The following PRG4 variants were observed in gnomAD, a reference collection of about 807,000 sequenced individuals.
PRG4 encodes the protein proteoglycan 4.
A neutral mutation model predicts 91.2 loss-of-function variants in PRG4; 61 were observed. That is an observed-to-expected ratio of 0.67 (90% CI 0.54 to 0.83). The LOEUF is 0.83. Ranked by LOEUF, PRG4 falls within the 40% of genes least tolerant of loss-of-function variation. PRG4 has a pLI of 0.00. For missense variants in PRG4, 1,564 were observed against 1,714.2 expected (o/e 0.91, Z 1.55); for synonymous variants, 576 against 614.2 (o/e 0.94, Z 0.92).
In PRG4 at chr1:186,312,172, C is replaced by T. The variant is rs749269200; in HGVS notation, c.3794-3C>T. 3 of 1,612,662 alleles carry T rather than the reference C, an allele frequency of 1.9e-6. No homozygotes were observed. The highest frequency in any genetic ancestry group is 1.3e-5 in the African/African-American group (1 of 74,930). On this transcript the variant is annotated splice_region_variant and splice_polypyrimidine_tract_variant and intron_variant, in intron 10 of 12. Transcript: ENST00000445192. The stretch of plus-strand genomic sequence containing the variant: ...TTCCATGTGATATTCTAATACATAA[C>T]AGGTGGCAGCATTCAGCAGTATATT...
intron 3 of PRG4, 56 bp downstream of exon 3, chr1:186,300,269 C>A: frequency 1.2e-6 from 2 of 1,609,888 alleles, no homozygotes; most frequent in East Asian, 2.2e-5. Flanking sequence ...GTCTGTGAGT[C>A]CCCCCTTGCA....
Position 186,313,732 on chromosome 1 carries a change from C to G in PRG4, c.4169C>G (p.Thr1390Ser). 1.9e-6 allele frequency: 3 copies of G among 1,610,448 alleles called. No homozygotes were observed. The highest frequency in any genetic ancestry group is 2.5e-6 in the Non-Finnish European group (3 of 1,176,834). The part of the protein sequence containing the change: ...VPSRTARAIT[T>S]RSGQTLSKVW... ...AGTAGAACAGCAAGAGCAATTACTA[C>G]TCGTTCTGGGCAGACCTTATCCAAA... The change falls in exon 13 of 13, where the codon ACT (threonine) becomes AGT (serine). Residue 1390 changes from threonine to serine, a missense_variant. Physicochemically the swap from Thr to Ser is moderately conservative, Grantham distance 58. Coordinates refer to ENST00000445192, the MANE Select transcript of PRG4 (RefSeq NM_005807.6).
In PRG4 at chr1:186,314,531, A is replaced by G. The variant is rs1157758328; in HGVS notation, c.*753A>G. The G allele has an allele frequency of 1.1e-6, 1 of 896,658 alleles. No individual in the cohort carries two copies. Among genetic ancestry groups the G allele is most frequent in the East Asian group, 2.7e-5 (1 of 36,544 alleles). The allele number at this position is 896,658 out of a possible 1,614,324, so 55.5% of individuals were successfully genotyped here. A position where few individuals can be genotyped will look rare whatever the true frequency, so the allele number is the denominator to read the frequency against. On this transcript the variant is annotated 3_prime_UTR_variant, in exon 13 of 13. Coordinates refer to ENST00000445192, the MANE Select transcript of PRG4 (RefSeq NM_005807.6). ...TAATTATTTAATAAAACTTTGGAAC[A>G]TTAAAAAAATAAATTGGAGGCTTAA...
chr1:186,300,269 C>T (rs1656117167), intron 3 of PRG4, 56 bp downstream of exon 3: 1 of 1,609,888 alleles, frequency 6.2e-7, no homozygotes, highest in Non-Finnish European at 8.5e-7. Flanking sequence ...GTCTGTGAGT[C>T]CCCCCTTGCA....
chr1:186,301,545 T>A, intron 3 of PRG4, 47 bp from the exon 4 acceptor site: 1 of 1,612,282 alleles, frequency 6.2e-7, no homozygotes, highest in Non-Finnish European at 8.5e-7. Context: ...TACGTGGGCC[T>A]GGCTTCACAA....
chr1:186,296,721 T>C (rs1052967739), intron 1 of PRG4, 125 bp from the exon 2 acceptor site: 2 of 643,074 alleles, frequency 3.1e-6, no homozygotes, highest in African/African-American at 3.7e-5. Context: ...TTTAAAGTCT[T>C]GTTTCAAGAA....
chr1:186,310,131 T>G (rs534340078), intron 8 of PRG4, among the ~76,000 whole-genome samples: 116 of 89,182 alleles, frequency 1.3e-3, no homozygotes, highest in African/African-American at 5.3e-3. Context: ...TAGTTCATTT[T>G]TTTTGGGGGG....
intron 7 of PRG4, among the ~76,000 whole-genome samples, chr1:186,309,393 A>C (rs2102030832): frequency 6.6e-6 from 1 of 152,306 alleles, no homozygotes; most frequent in Non-Finnish European, 1.5e-5. Context: ...ATAGAAAGTC[A>C]AAAAAATTTA....
intron 4 of PRG4, among the ~76,000 whole-genome samples, chr1:186,302,394 G>GA (rs1451471482): frequency 6.6e-6 from 1 of 152,124 alleles, no homozygotes; most frequent in Non-Finnish European, 1.5e-5. Flanking sequence ...AGATTTTACA[G>GA]AAAAAGATTT....
rs778848368 is a variant in PRG4 at position 186,304,843 on chromosome 1, CTCTTCT to C, written c.525_530del (p.Ser176_Ser177del). On this transcript the variant is annotated inframe_deletion, in exon 6 of 13. Transcript: ENST00000445192. ...AGTCCTCCTCCTCCTCCTCCTCTTCCTCTTCTTCTTCAACAATTCGGAAAATCAAGT... is the reference window on the plus strand; with the variant it reads ...AGTCCTCCTCCTCCTCCTCCTCTTCCTCTTCAACAATTCGGAAAATCAAGT... The C allele has an allele frequency of 5.7e-5, 92 of 1,612,156 alleles. No individual in the cohort carries two copies. Among genetic ancestry groups the C allele is most frequent in the Non-Finnish European group, 7.4e-5 (87 of 1,178,520 alleles).
chr1:186,300,760 C>T (rs1442638283), intron 3 of PRG4, among the ~76,000 whole-genome samples: 1 of 152,098 alleles, frequency 6.6e-6, no homozygotes, highest in Non-Finnish European at 1.5e-5. Context: ...ATCTGAAGGT[C>T]TGAATTTTAA....
chr1:186,301,757 T>A, intron 4 of PRG4, 46 bp downstream of exon 4: 1 of 1,598,058 alleles, frequency 6.3e-7, no homozygotes, highest in Non-Finnish European at 8.6e-7. Context: ...CAGCCAGATC[T>A]GTGCACCTAC....
chr1:186,312,428 T>G, intron 11 of PRG4, 56 bp downstream of exon 11: 2 of 1,466,138 alleles, frequency 1.4e-6, no homozygotes, highest in Non-Finnish European at 1.9e-6. Flanking sequence ...GTAATACAGT[T>G]TCTTATACAG....
Position 186,296,881 on chromosome 1 carries a change from A to C in PRG4, c.6A>C (p.Ala2=), listed in dbSNP as rs751122318. The change falls in exon 2 of 13, where the codon GCA becomes GCC. Residue 2 remains alanine (A), a synonymous_variant. Transcript: ENST00000445192. M[A]WKTLPIYLLL... ...TACGGTACCTGAAAACAACGATGGCATGGAAAACACTTCCCATTTACCTGT... is the reference window on the plus strand; with the variant it reads ...TACGGTACCTGAAAACAACGATGGCCTGGAAAACACTTCCCATTTACCTGT... 3 of 1,613,894 alleles carry C rather than the reference A, an allele frequency of 1.9e-6. No homozygotes were observed.
intron 4 of PRG4, among the ~76,000 whole-genome samples, chr1:186,302,001 C>T (rs1656254307): frequency 6.6e-6 from 1 of 151,994 alleles, no homozygotes; most frequent in South Asian, 2.1e-4. Context: ...AGATATGGTT[C>T]AATTTCAGGT....
chr1:186,313,959 T>C lies in PRG4; in HGVS notation c.*181T>C. ...ATAATCTTATTCACAGTTGTTATTGTTTACAGACCATTTAATTAATATTTC... is the reference window on the plus strand; with the variant it reads ...ATAATCTTATTCACAGTTGTTATTGCTTACAGACCATTTAATTAATATTTC... On this transcript the variant is annotated 3_prime_UTR_variant, in exon 13 of 13. Coordinates refer to ENST00000445192, the MANE Select transcript of PRG4 (RefSeq NM_005807.6). The C allele has an allele frequency of 1.2e-6, 2 of 1,611,180 alleles. No individual in the cohort carries two copies. The highest frequency in any genetic ancestry group is 1.7e-4 in the Middle Eastern group (1 of 6,048).
rs199893468 is a variant in PRG4 at position 186,308,868 on chromosome 1, C to G, written c.3149C>G (p.Pro1050Arg). The change falls in exon 7 of 13, where the codon CCA becomes CGA. Residue 1050 changes from proline (P) to arginine (R), a missense_variant. Transcript: ENST00000445192. ...MPRVRKPKTTPTPRKMTSTMP... is the reference protein window; with the variant it reads ...MPRVRKPKTTRTPRKMTSTMP... ...AGAGTGAGAAAACCAAAGACGACAC[C>G]AACTCCCCGCAAGATGACATCAACA... 3 of 1,613,684 alleles carry G rather than the reference C, an allele frequency of 1.9e-6. No homozygotes were observed. Among genetic ancestry groups the G allele is most frequent in the African/African-American group, 2.7e-5 (2 of 74,960 alleles).
At position 186,304,812 on chromosome 1, in the gene PRG4, A is replaced by C. The variant is rs911832684; in HGVS notation, c.488A>C (p.Asn163Thr). Residue 163 changes from asparagine (N) to threonine (T), a missense_variant, in exon 6 of 13, where the codon AAT (asparagine) becomes ACT (threonine). Physicochemically the swap from Asn to Thr is moderately conservative, Grantham distance 65. This residue lies in a region of PRG4 where 437 missense variants were observed against 459.0 expected (regional missense o/e 0.95). Transcript: ENST00000445192. ...EITEEHSVSE[N>T]QESSSSSSSS... ...TTTATAGAACATTCTGTTTCTGAAA[A>C]TCAAGAGTCCTCCTCCTCCTCCTCC... The C allele has an allele frequency of 2.5e-6, 4 of 1,612,370 alleles. No individual in the cohort carries two copies. The African/African-American group carries it at 5.3e-5, about 22-fold the overall frequency.
Position 186,304,251 on chromosome 1 carries a change from A to G in PRG4, c.463A>G (p.Thr155Ala), listed in dbSNP as rs367693667. The change falls in exon 5 of 13, where the codon ACA becomes GCA. Residue 155 changes from threonine (T) to alanine (A), a missense_variant. Thr to Ala is a moderately conservative substitution (Grantham distance 58, BLOSUM62 0). This residue lies in a region of PRG4 where 437 missense variants were observed against 459.0 expected (regional missense o/e 0.95). Transcript: ENST00000445192. ...GAAAGTTATAGAATCAGAGGAAATA[A>G]CAGAAGGTAGGAAGATGACAGATAT... is the stretch of plus-strand genomic sequence containing the variant. ...TKKVIESEEI[T>A]EEHSVSENQE... is the part of the protein sequence containing the mutation. The G allele has an allele frequency of 1.2e-6, 2 of 1,612,972 alleles. No homozygotes were observed. The highest frequency in any genetic ancestry group is 2.7e-5 in the African/African-American group (2 of 74,906).
Sources: gnomAD v4.1 joint callset for allele counts (sites outside exome capture counted in the v4.1 genomes callset) on GRCh38, gnomAD v4.1.1 for gene constraint, gnomAD v4.1.1 regional missense constraint, MANE v1.5 for transcripts, NCBI Gene and HGNC (gene_info 2026-07-23, HGNC 2026-07-21) for gene names.